Variants in SGMS1 observed in about 807,000 individuals in gnomAD.
SGMS1 encodes the protein phosphatidylcholine:ceramide cholinephosphotransferase 1.
A neutral mutation model predicts 46.2 loss-of-function variants in SGMS1; 13 were observed. The ratio of observed to expected loss-of-function variants is 0.28; its 90% CI spans 0.18 to 0.45. The LOEUF (loss-of-function observed/expected upper bound fraction) is 0.45. Among genes scored for constraint, SGMS1 ranks in the 20% least tolerant of loss-of-function variants. The pLI is 1.00. For missense variants in SGMS1, 324 were observed against 519.9 expected (o/e 0.62, Z 3.66); for synonymous variants, 203 against 187.8 (o/e 1.08, Z -0.66).
At chr10:50,352,707 T>G (rs1390463422) in intron 6 of SGMS1, among the ~76,000 whole-genome samples, 1 of 152,184 alleles carries the variant, frequency 6.6e-6, no homozygotes, top group East Asian at 1.9e-4. Flanking sequence ...ATAGATTCAA[T>G]AGTCTCACAG....
At chr10:50,485,877 G>T (rs1837517173) in intron 3 of SGMS1, among the ~76,000 whole-genome samples, 1 of 152,136 alleles carries the variant, frequency 6.6e-6, no homozygotes, top group Admixed American at 6.5e-5. Context: ...TCCAGCCTGG[G>T]CAACAGAGCA....
chr10:50,399,376 GAAAAT>G, intron 6 of SGMS1, among the ~76,000 whole-genome samples: 1 of 152,064 alleles, frequency 6.6e-6, no homozygotes, highest in South Asian at 2.1e-4. Flanking sequence ...TGCAACTATT[GAAAAT>G]AATATAGAAA....
chr10:50,509,118 A>G (rs1169697318), intron 3 of SGMS1, among the ~76,000 whole-genome samples: 3 of 152,238 alleles, frequency 2.0e-5, no homozygotes, highest in Non-Finnish European at 4.4e-5. Context: ...CTGTTGGGGA[A>G]AGACTGTGTA....
intron 6 of SGMS1, among the ~76,000 whole-genome samples, chr10:50,432,086 C>T (rs1281115022): frequency 6.6e-6 from 1 of 152,096 alleles, no homozygotes; most frequent in Non-Finnish European, 1.5e-5. Flanking sequence ...ACCACCACGG[C>T]TGAGGCAGAT....
chr10:50,541,920 G>A (rs528120044), intron 2 of SGMS1, among the ~76,000 whole-genome samples: 9 of 152,284 alleles, frequency 5.9e-5, no homozygotes, highest in Admixed American at 5.2e-4. Context: ...CCACTTCGAG[G>A]AGCATGTTTG....
intron 7 of SGMS1, chr10:50,328,111 G>T: frequency 2.6e-6 from 1 of 378,514 alleles, no homozygotes; most frequent in Non-Finnish European, 5.0e-6. Flanking sequence ...TATACATGTA[G>T]GTTTGTATCT....
chr10:50,355,355 G>T (rs1286450403), intron 6 of SGMS1, among the ~76,000 whole-genome samples: 1 of 152,164 alleles, frequency 6.6e-6, no homozygotes, highest in Admixed American at 6.5e-5. Context: ...CCGCCATCTC[G>T]GCTCACTGCA....
intron 2 of SGMS1, among the ~76,000 whole-genome samples, chr10:50,555,856 T>C (rs961318742): frequency 6.6e-6 from 1 of 152,232 alleles, no homozygotes; most frequent in South Asian, 2.1e-4. Flanking sequence ...AAAACACCAA[T>C]TTCAGAAATA....
intron 2 of SGMS1, among the ~76,000 whole-genome samples, chr10:50,528,776 C>T (rs540062475): frequency 1.8e-4 from 27 of 152,150 alleles, no homozygotes; most frequent in Non-Finnish European, 3.8e-4. Context: ...GAGAGAATAG[C>T]TTGAGCCCAG....
chr10:50,559,236 T>C (rs1287894075), intron 2 of SGMS1, among the ~76,000 whole-genome samples: 1 of 152,208 alleles, frequency 6.6e-6, no homozygotes, highest in Non-Finnish European at 1.5e-5. Flanking sequence ...CTATAATCTT[T>C]TACTTCAACT....
Position 50,576,868 on chromosome 10 carries a change from G to A in SGMS1, c.-589+13285C>T, listed in dbSNP as rs962672770. On this transcript the variant is annotated intron_variant, in intron 2 of 10. Transcript: ENST00000361781. ...CCATGGTGGCAAAAGAAAAGAATGT[G>A]AAACAATGGTTGTCCTATGGGCAAA... 9.6e-4 allele frequency among the ~76,000 whole-genome samples: 146 copies of A among 152,190 alleles called. 3 individuals are homozygous for A. The highest frequency in any genetic ancestry group is 2.4e-4 in the Non-Finnish European group (16 of 68,024).
chr10:50,518,165 G>C (rs947266618), intron 3 of SGMS1, among the ~76,000 whole-genome samples: 1 of 152,202 alleles, frequency 6.6e-6, no homozygotes, highest in African/African-American at 2.4e-5. Context: ...TCTATGTACA[G>C]AAGGAGGGAG....
chr10:50,523,154 ATAG>A (rs1214407903), intron 2 of SGMS1, among the ~76,000 whole-genome samples: 1 of 152,116 alleles, frequency 6.6e-6, no homozygotes, highest in Non-Finnish European at 1.5e-5. Context: ...AGCCTCATAG[ATAG>A]TAGTCCTTTT....
At chr10:50,495,036 A>C (rs1197413895) in intron 3 of SGMS1, among the ~76,000 whole-genome samples, 4 of 136,340 alleles carry the variant, frequency 2.9e-5, no homozygotes, top group African/African-American at 1.1e-4. Context: ...ACTCCGTCTC[A>C]AAAAAAAAAA....
chr10:50,462,745 T>A (rs993310529), intron 4 of SGMS1, among the ~76,000 whole-genome samples: 1 of 152,106 alleles, frequency 6.6e-6, no homozygotes, highest in African/African-American at 2.4e-5. Flanking sequence ...AAAAAAGATA[T>A]AAATCCATAA....
In SGMS1 at chr10:50,448,223, G is replaced by C. The variant is rs79121151; in HGVS notation, c.-313+12450C>G. ...GCTGTGATGGCTCCACTGCACTTGA[G>C]CCTGGGCAACAGAGCAAGACCTTGT... is the stretch of plus-strand genomic sequence containing the variant. On this transcript the variant is annotated intron_variant, in intron 5 of 10. Coordinates refer to ENST00000361781, the MANE Select transcript of SGMS1 (RefSeq NM_147156.4). 6.2e-3 allele frequency among the ~76,000 whole-genome samples: 951 copies of C among 152,162 alleles called. 13 individuals are homozygous for C. Among genetic ancestry groups the C allele is most frequent in the African/African-American group, 0.022 (905 of 41,490 alleles).
At chr10:50,583,984 T>C (rs536987488) in intron 2 of SGMS1, among the ~76,000 whole-genome samples, 3 of 152,294 alleles carry the variant, frequency 2.0e-5, no homozygotes, top group African/African-American at 4.8e-5. Flanking sequence ...ATCAAAAAAT[T>C]TGTTTCAGAA....
At chr10:50,349,089 C>T (rs556356738) in intron 6 of SGMS1, among the ~76,000 whole-genome samples, 8 of 152,326 alleles carry the variant, frequency 5.3e-5, no homozygotes, top group South Asian at 2.1e-4. Flanking sequence ...CAAAGGAACT[C>T]GAATATTGCA....
At chr10:50,369,035 A>G (rs1564891536) in intron 6 of SGMS1, among the ~76,000 whole-genome samples, 2 of 152,240 alleles carry the variant, frequency 1.3e-5, no homozygotes, top group African/African-American at 4.8e-5. Flanking sequence ...CAAACATATG[A>G]ACCATAGCTT....
Sources: allele counts gnomAD v4.1 joint callset (sites outside exome capture counted in the v4.1 genomes callset), GRCh38; gene constraint gnomAD v4.1.1; transcripts MANE v1.5; gene names NCBI Gene and HGNC (gene_info 2026-07-23, HGNC 2026-07-21).